The following DERA variants were observed in gnomAD, a reference collection of about 807,000 sequenced individuals.
DERA encodes 2-deoxy-D-ribose 5-phosphate aldolase.
Under a neutral mutation model 41.1 loss-of-function variants are expected in DERA, and 15 were observed. The observed-to-expected ratio is 0.37, with a 90% CI of 0.24 to 0.56. The LOEUF (loss-of-function observed/expected upper bound fraction) is 0.56. Among genes scored for constraint, DERA ranks in the 20% least tolerant of loss-of-function variants. The pLI is 0.81. For missense variants in DERA, 396 were observed against 403.4 expected, an observed-to-expected ratio of 0.98 and a Z score of 0.16; for synonymous variants, 139 against 137.4, an observed-to-expected ratio of 1.01 and a Z score of -0.08.
In DERA at chr12:15,966,216, C is replaced by T. The variant is rs1948621919; in HGVS notation, c.508+3269C>T. 6.6e-6 allele frequency among the ~76,000 whole-genome samples: 1 copy of T among 152,170 alleles called. No homozygotes were observed. The highest frequency in any genetic ancestry group is 6.5e-5 in the Admixed American group (1 of 15,280). Reference sequence around the variant, plus strand: ...GCCGCCCTAAGCTCTGGTTCCGCAGCAACGCTCTGGAGTGAGGCGTCCTCC... The same window carrying T: ...GCCGCCCTAAGCTCTGGTTCCGCAGTAACGCTCTGGAGTGAGGCGTCCTCC... On this transcript the variant is annotated intron_variant, in intron 5 of 8. Coordinates refer to ENST00000428559, the MANE Select transcript of DERA (RefSeq NM_015954.4). The surrounding 1 kb of genome is among the most constrained non-coding windows in gnomAD (Gnocchi z 5.1).
chr12:15,930,087 G>C (rs1948316402), intron 1 of DERA, among the ~76,000 whole-genome samples: 1 of 152,210 alleles, frequency 6.6e-6, no homozygotes, highest in Non-Finnish European at 1.5e-5. Context: ...AGAGCAGTTG[G>C]CGTGGTGCCT....
rs2136136230 is a variant in DERA at position 15,941,143 on chromosome 12, C to T, written c.32-15793C>T. 6.6e-6 allele frequency among the ~76,000 whole-genome samples: 1 copy of T among 152,292 alleles called. No homozygotes were observed. Among genetic ancestry groups the T allele is most frequent in the South Asian group, 2.1e-4 (1 of 4,824 alleles). ...AAAAGCATTGCTTTCAGTGTGCTCT[C>T]TGCAAGGAACCTAGTGATTTCCCGT... On this transcript the variant is annotated intron_variant, in intron 1 of 8. Transcript: ENST00000428559. The surrounding 1 kb of genome is among the most constrained non-coding windows in gnomAD (Gnocchi z 4.5).
chr12:16,016,602 C>A (rs773106639), intron 6 of DERA, among the ~76,000 whole-genome samples: 1 of 151,674 alleles, frequency 6.6e-6, no homozygotes, highest in Non-Finnish European at 1.5e-5. Context: ...GAGTTCGAGA[C>A]CAGCCCAGAC....
In DERA at chr12:15,959,764, AT is replaced by A. The variant is rs1165886644; in HGVS notation, c.278-63del. On this transcript the variant is annotated intron_variant, in intron 3 of 8. Coordinates refer to ENST00000428559, the MANE Select transcript of DERA (RefSeq NM_015954.4). This position sits in a 1 kb window ranked among gnomAD's most constrained non-coding sequence, Gnocchi z 4.5. ...TGCCAGTGTTGCGATATAAATAATA[AT>A]TAAAAGCATGTTGTATGAGTTGAAC... The A allele has an allele frequency of 1.8e-6, 2 of 1,136,374 alleles. No homozygotes were observed. The highest frequency in any genetic ancestry group is 2.2e-5 in the Admixed American group (1 of 45,680). The allele number at this position is 1,136,374 out of a possible 1,614,324, so 70.4% of individuals were successfully genotyped here. A position where few individuals can be genotyped will look rare whatever the true frequency, so the allele number is the denominator to read the frequency against.
Position 15,966,220 on chromosome 12 carries a change from G to A in DERA, c.508+3273G>A, listed in dbSNP as rs371797517. Among the ~76,000 whole-genome samples the A allele has an allele frequency of 6.6e-6, 1 of 152,134 alleles. No individual in the cohort carries two copies. The highest frequency in any genetic ancestry group is 2.4e-5 in the African/African-American group (1 of 41,420). On this transcript the variant is annotated intron_variant, in intron 5 of 8. Coordinates refer to ENST00000428559, the MANE Select transcript of DERA (RefSeq NM_015954.4). The surrounding 1 kb of genome is among the most constrained non-coding windows in gnomAD (Gnocchi z 5.1). ...CCCTAAGCTCTGGTTCCGCAGCAACGCTCTGGAGTGAGGCGTCCTCCTCAC... is the reference window on the plus strand; with the variant it reads ...CCCTAAGCTCTGGTTCCGCAGCAACACTCTGGAGTGAGGCGTCCTCCTCAC...
At position 16,021,862 on chromosome 12, in the gene DERA, A is replaced by G. The variant is rs973535067; in HGVS notation, c.638-10680A>G. 2.0e-5 allele frequency among the ~76,000 whole-genome samples: 3 copies of G among 152,120 alleles called. No individual in the cohort carries two copies. The highest frequency in any genetic ancestry group is 6.5e-5 in the Admixed American group (1 of 15,270). On this transcript the variant is annotated intron_variant, in intron 6 of 8. Coordinates refer to ENST00000428559, the MANE Select transcript of DERA (RefSeq NM_015954.4). This position sits in a 1 kb window ranked among gnomAD's most constrained non-coding sequence, Gnocchi z 5.3. ...CACCTTTGCCACAATTGTATCTTGGAAGTATAACTTGTTTTTGATCTCAGG... is the reference window on the plus strand; with the variant it reads ...CACCTTTGCCACAATTGTATCTTGGGAGTATAACTTGTTTTTGATCTCAGG...
intron 7 of DERA, chr12:16,032,993 C>A (rs754207901): frequency 1.8e-4 from 44 of 244,506 alleles, no homozygotes; most frequent in Non-Finnish European, 2.4e-4. Flanking sequence ...GGCTTTCTCA[C>A]AAGGTGTTGG....
Position 15,928,339 on chromosome 12 carries a change from A to T in DERA, c.31+16925A>T, listed in dbSNP as rs1483286355. On this transcript the variant is annotated intron_variant, in intron 1 of 8. Coordinates refer to ENST00000428559, the MANE Select transcript of DERA (RefSeq NM_015954.4). This position sits in a 1 kb window ranked among gnomAD's most constrained non-coding sequence, Gnocchi z 4.6. Reference sequence around the variant, plus strand: ...ATATGAAATCTACAGGTAATCTCTAAGTGTTATTTTAATTAACAAATTTTA... The same window carrying T: ...ATATGAAATCTACAGGTAATCTCTATGTGTTATTTTAATTAACAAATTTTA... Among the ~76,000 whole-genome samples, 1 of 152,244 alleles carries T rather than the reference A, an allele frequency of 6.6e-6. No homozygotes were observed. Among genetic ancestry groups the T allele is most frequent in the Non-Finnish European group, 1.5e-5 (1 of 68,046 alleles).
rs1948786514 is a variant in DERA, at chr12:15,989,312, C to T, written c.637+6876C>T. ...GGCCACTGCTGCCATCACTTTGATC[C>T]TTATTTTCTATTTCAAATTGGCTTT... On this transcript the variant is annotated intron_variant, in intron 6 of 8. Coordinates refer to ENST00000428559, the MANE Select transcript of DERA (RefSeq NM_015954.4). This position sits in a 1 kb window ranked among gnomAD's most constrained non-coding sequence, Gnocchi z 5.2. 6.6e-6 allele frequency among the ~76,000 whole-genome samples: 1 copy of T among 152,234 alleles called. No individual in the cohort carries two copies. The highest frequency in any genetic ancestry group is 2.4e-5 in the African/African-American group (1 of 41,462).
In DERA at chr12:15,958,250, A is replaced by G. The variant is rs752670722; in HGVS notation, c.192A>G (p.Thr64=). 23 of 1,595,188 alleles carry G rather than the reference A, an allele frequency of 1.4e-5. No individual in the cohort carries two copies. The highest frequency in any genetic ancestry group is 1.3e-4 in the East Asian group (6 of 44,490). Residue 64 remains threonine (T), a synonymous_variant, in exon 3 of 9, where the codon ACA becomes ACG. Coordinates refer to ENST00000428559, the MANE Select transcript of DERA (RefSeq NM_015954.4). The stretch of plus-strand genomic sequence containing the variant: ...TTACTACACTTTCAGGTGATGATAC[A>G]TCTTCCAACATTCAAAGGCTCTGTT... ...IDLTTLSGDD[T]SSNIQRLCYK...
rs573824702 is a variant in DERA at position 15,938,692 on chromosome 12, G to C, written c.32-18244G>C. ...TATTTTCAATTCACATTTTTTAATT[G>C]AAATGTGTAAATATTTTACCAGAAA... is the stretch of plus-strand genomic sequence containing the variant. On this transcript the variant is annotated intron_variant, in intron 1 of 8. Transcript: ENST00000428559. This position sits in a 1 kb window ranked among gnomAD's most constrained non-coding sequence, Gnocchi z 4.1. Among the ~76,000 whole-genome samples, 2 of 152,148 alleles carry C rather than the reference G, an allele frequency of 1.3e-5. No individual in the cohort carries two copies. The highest frequency in any genetic ancestry group is 4.8e-5 in the African/African-American group (2 of 41,522).
intron 4 of DERA, among the ~76,000 whole-genome samples, chr12:15,961,564 A>G (rs188901257): frequency 1.6e-3 from 249 of 152,312 alleles, no homozygotes; most frequent in Non-Finnish European, 2.8e-3. Flanking sequence ...CTTATTAGGA[A>G]TATATTAAAA....
chr12:16,000,123 G>C lies in DERA; in HGVS notation c.637+17687G>C, dbSNP rs1219915047. On this transcript the variant is annotated intron_variant, in intron 6 of 8. Coordinates refer to ENST00000428559, the MANE Select transcript of DERA (RefSeq NM_015954.4). This position sits in a 1 kb window ranked among gnomAD's most constrained non-coding sequence, Gnocchi z 4.8. ...ATGCTGAGCAGGGAAGGGAAGGGCA[G>C]ATCCAACTCCTAATGGTGCCATTTG... Among the ~76,000 whole-genome samples, 2 of 152,184 alleles carry C rather than the reference G, an allele frequency of 1.3e-5. No homozygotes were observed. The highest frequency in any genetic ancestry group is 4.8e-5 in the African/African-American group (2 of 41,452).
At chr12:16,007,171 T>C (rs1948916469) in intron 6 of DERA, among the ~76,000 whole-genome samples, 1 of 150,756 alleles carries the variant, frequency 6.6e-6, no homozygotes, top group Non-Finnish European at 1.5e-5. Flanking sequence ...TTTGGGGTTT[T>C]TTTGTTTTTT....
In DERA at chr12:16,000,321, AG is replaced by A. The variant is rs1278203622; in HGVS notation, c.637+17886del. Among the ~76,000 whole-genome samples the A allele has an allele frequency of 6.6e-6, 1 of 152,244 alleles. No individual in the cohort carries two copies. Among genetic ancestry groups the A allele is most frequent in the East Asian group, 1.9e-4 (1 of 5,202 alleles). ...CTGTTCTTGCAACAAGGAAAAACAT[AG>A]TAACGTTTTTAAGGAAATCTGATGA... On this transcript the variant is annotated intron_variant, in intron 6 of 8. Coordinates refer to ENST00000428559, the MANE Select transcript of DERA (RefSeq NM_015954.4). The surrounding 1 kb of genome is among the most constrained non-coding windows in gnomAD (Gnocchi z 4.8).
At position 15,913,678 on chromosome 12, in the gene DERA, T is replaced by C. The variant is rs989958072; in HGVS notation, c.31+2264T>C. 6.7e-6 allele frequency among the ~76,000 whole-genome samples: 1 copy of C among 149,700 alleles called. No individual in the cohort carries two copies. The highest frequency in any genetic ancestry group is 1.9e-4 in the East Asian group (1 of 5,202). ...TCTAGTTCATGGACTTAAAAAAACA[T>C]TGAGTTCCTTTGAGACTAAACCTGA... On this transcript the variant is annotated intron_variant, in intron 1 of 8. Transcript: ENST00000428559. This position sits in a 1 kb window ranked among gnomAD's most constrained non-coding sequence, Gnocchi z 4.5.
rs745521985 is a variant in DERA, at chr12:15,957,007, C to T, written c.103C>T (p.Arg35Cys). ...GAGGCGTGCGGAACAAATCCAGGCT[C>T]GCAGAACCGTGAAAAAGGAGTGGCA... The part of the protein sequence containing the change: ...VLRRAEQIQA[R>C]RTVKKEWQAA... The change falls in exon 2 of 9, where the codon CGC becomes TGC. Residue 35 changes from arginine to cysteine, a missense_variant. Coordinates refer to ENST00000428559, the MANE Select transcript of DERA (RefSeq NM_015954.4). The surrounding 1 kb of genome is among the most constrained non-coding windows in gnomAD (Gnocchi z 4.8). 2.0e-5 allele frequency: 33 copies of T among 1,613,836 alleles called. No homozygotes were observed. Among genetic ancestry groups the T allele is most frequent in the Middle Eastern group, 1.7e-4 (1 of 6,060 alleles).
intron 6 of DERA, among the ~76,000 whole-genome samples, chr12:16,024,183 T>C (rs956391511): frequency 6.6e-6 from 1 of 152,094 alleles, no homozygotes; most frequent in Admixed American, 6.5e-5. Flanking sequence ...GCATAACATA[T>C]GGTGTATAAT....
intron 1 of DERA, among the ~76,000 whole-genome samples, chr12:15,951,635 T>C (rs529451171): frequency 6.6e-6 from 1 of 152,354 alleles, no homozygotes; most frequent in South Asian, 2.1e-4. Flanking sequence ...ATGCATGCTC[T>C]TTGTAAGAAT....
Sources: allele counts gnomAD v4.1 joint callset (sites outside exome capture counted in the v4.1 genomes callset), GRCh38; gene constraint gnomAD v4.1.1; non-coding constraint Gnocchi (gnomAD v3.1); transcripts MANE v1.5; gene names NCBI Gene and HGNC (gene_info 2026-07-23, HGNC 2026-07-21).